Variants in RGS21 observed in about 807,000 individuals in gnomAD.
RGS21 encodes the protein regulator of G protein signaling 21.
A neutral mutation model predicts 18.7 loss-of-function variants in RGS21; 19 were observed. The observed-to-expected ratio is 1.01, with a 90% CI of 0.71 to 1.49. The LOEUF (loss-of-function observed/expected upper bound fraction) is 1.49, where lower values mean the gene tolerates loss of function less well. Ranked by LOEUF, RGS21 falls within the 40% of genes most tolerant of loss-of-function variation. The pLI is 0.00. For missense variants in RGS21, 194 were observed against 176.8 expected (o/e 1.10, Z -0.55); for synonymous variants, 56 against 57.8 (o/e 0.97, Z 0.14).
intron 1 of RGS21, among the ~76,000 whole-genome samples, chr1:192,333,625 T>C (rs1483072408): frequency 3.0e-5 from 1 of 33,638 alleles, no homozygotes; most frequent in Non-Finnish European, 6.2e-5. Context: ...ATTCTCAAAA[T>C]GACAAAAAAA....
At chr1:192,356,842 C>G (rs1659118451) in intron 4 of RGS21, among the ~76,000 whole-genome samples, 1 of 151,760 alleles carries the variant, frequency 6.6e-6, no homozygotes. Flanking sequence ...TGTTAGCCAA[C>G]AGTGCTCCCC....
chr1:192,341,023 A>G (rs1658851443), intron 1 of RGS21, among the ~76,000 whole-genome samples: 1 of 152,102 alleles, frequency 6.6e-6, no homozygotes, highest in South Asian at 2.1e-4. Flanking sequence ...CACTGGGTCA[A>G]AATCAAGATA....
At chr1:192,359,274 T>G (rs767542717) in intron 4 of RGS21, among the ~76,000 whole-genome samples, 3 of 152,106 alleles carry the variant, frequency 2.0e-5, no homozygotes, top group Non-Finnish European at 4.4e-5. Flanking sequence ...TGGCACTGTT[T>G]TTTTTGGTTA....
intron 1 of RGS21, among the ~76,000 whole-genome samples, chr1:192,328,981 A>G (rs1658608460): frequency 6.6e-6 from 1 of 152,132 alleles, no homozygotes; most frequent in East Asian, 1.9e-4. Context: ...ATGTTATACA[A>G]TTTAAAATTA....
At chr1:192,365,671 CCTT>C (rs1289451975) in intron 4 of RGS21, among the ~76,000 whole-genome samples, 1 of 151,986 alleles carries the variant, frequency 6.6e-6, no homozygotes, top group Admixed American at 6.6e-5. Flanking sequence ...TTTCACTTTG[CCTT>C]CTTTAAAATA....
At position 192,348,331 on chromosome 1, in the gene RGS21, A is replaced by T. The variant is rs1346441714; in HGVS notation, c.88+942A>T. 2.0e-5 allele frequency among the ~76,000 whole-genome samples: 3 copies of T among 152,210 alleles called. No individual in the cohort carries two copies. In the East Asian group the frequency reaches 5.8e-4, roughly 29 times the overall value. On this transcript the variant is annotated intron_variant, in intron 3 of 4. Coordinates refer to ENST00000417209, the MANE Select transcript of RGS21 (RefSeq NM_001039152.3). The stretch of plus-strand genomic sequence containing the variant: ...ATAAGCCACTGCGCCCAGCTGGCCC[A>T]CTATAATTTGATCACGACTGCCTTT...
intron 1 of RGS21, among the ~76,000 whole-genome samples, chr1:192,337,626 A>G (rs1658790699): frequency 6.6e-6 from 1 of 152,062 alleles, no homozygotes; most frequent in South Asian, 2.1e-4. Flanking sequence ...AGAAATGTAA[A>G]ACACAGGGGG....
intron 2 of RGS21, among the ~76,000 whole-genome samples, chr1:192,344,845 C>T (rs1016755138): frequency 2.0e-5 from 3 of 151,980 alleles, no homozygotes; most frequent in Admixed American, 1.3e-4. Context: ...CCTTCAGAGC[C>T]GATGGGCAAT....
At chr1:192,338,189 T>G (rs1055510785) in intron 1 of RGS21, among the ~76,000 whole-genome samples, 1 of 152,136 alleles carries the variant, frequency 6.6e-6, no homozygotes, top group Non-Finnish European at 1.5e-5. Context: ...ACTTCTCCAT[T>G]AGAACCGCTC....
At chr1:192,347,042 A>G (rs1001786570) in intron 2 of RGS21, among the ~76,000 whole-genome samples, 21 of 152,294 alleles carry the variant, frequency 1.4e-4, no homozygotes, top group African/African-American at 4.6e-4. Flanking sequence ...CACAGAACCG[A>G]TATCTTTTAT....
At chr1:192,364,457 A>G (rs1415169434) in intron 4 of RGS21, among the ~76,000 whole-genome samples, 2 of 152,124 alleles carry the variant, frequency 1.3e-5, no homozygotes, top group African/African-American at 4.8e-5. Flanking sequence ...TGTGTCATTT[A>G]ATCCTGAAAA....
chr1:192,340,877 A>T (rs2102229033), intron 1 of RGS21, among the ~76,000 whole-genome samples: 1 of 152,112 alleles, frequency 6.6e-6, no homozygotes, highest in African/African-American at 2.4e-5. Flanking sequence ...TATGGGGGAA[A>T]CCGCCCACAT....
chr1:192,340,227 C>T (rs1658838156), intron 1 of RGS21, among the ~76,000 whole-genome samples: 1 of 152,006 alleles, frequency 6.6e-6, no homozygotes, highest in African/African-American at 2.4e-5. Flanking sequence ...TAAGATCTCC[C>T]ATATTATTAT....
intron 1 of RGS21, among the ~76,000 whole-genome samples, chr1:192,322,493 A>G (rs1365614153): frequency 6.6e-6 from 1 of 152,108 alleles, no homozygotes; most frequent in Non-Finnish European, 1.5e-5. Context: ...ATCCATTTCT[A>G]TGTAATCAAT....
At chr1:192,352,820 G>A (rs534865186) in intron 4 of RGS21, among the ~76,000 whole-genome samples, 44 of 152,036 alleles carry the variant, frequency 2.9e-4, no homozygotes, top group African/African-American at 9.4e-4. Flanking sequence ...CGCTCCAAAC[G>A]TGTTTTATAT....
intron 1 of RGS21, among the ~76,000 whole-genome samples, chr1:192,342,504 A>G (rs1658886581): frequency 6.6e-6 from 1 of 151,980 alleles, no homozygotes; most frequent in Non-Finnish European, 1.5e-5. Flanking sequence ...TCATGAATAA[A>G]ATTGCTTAAA....
At chr1:192,332,971 T>C (rs925148958) in intron 1 of RGS21, among the ~76,000 whole-genome samples, 34 of 149,194 alleles carry the variant, frequency 2.3e-4, no homozygotes, top group African/African-American at 8.4e-4. Flanking sequence ...CCTCAACTGT[T>C]AAAAAAAAAT....
chr1:192,332,408 A>G (rs1415567219), intron 1 of RGS21, among the ~76,000 whole-genome samples: 1 of 152,202 alleles, frequency 6.6e-6, no homozygotes, highest in Non-Finnish European at 1.5e-5. Context: ...TTGAATATCA[A>G]TAGGCAAAAA....
Position 192,366,237 on chromosome 1 carries a change from C to A in RGS21, c.*113C>A. 1 of 679,824 alleles carries A rather than the reference C, an allele frequency of 1.5e-6. No homozygotes were observed. The highest frequency in any genetic ancestry group is 2.7e-5 in the East Asian group (1 of 36,482). 42.1% of individuals were successfully genotyped at this position (679,824 alleles called of 1,614,324 possible). Reference sequence around the variant, plus strand: ...TAGGATTTAGAAAACATTTTTTACCCAAACAGATGAATAACGTTTTATACA... The same window carrying A: ...TAGGATTTAGAAAACATTTTTTACCAAAACAGATGAATAACGTTTTATACA... On this transcript the variant is annotated 3_prime_UTR_variant, in exon 5 of 5. Transcript: ENST00000417209.
Sources: gnomAD v4.1 joint callset for allele counts (sites outside exome capture counted in the v4.1 genomes callset) on GRCh38, gnomAD v4.1.1 for gene constraint, MANE v1.5 for transcripts, NCBI Gene and HGNC (gene_info 2026-07-23, HGNC 2026-07-21) for gene names.